ABCA5: variants seen among roughly 807,000 people sequenced by gnomAD.
The protein encoded by ABCA5 is ATP binding cassette subfamily A member 5.
Under a neutral mutation model 206.0 loss-of-function variants are expected in ABCA5, and 163 were observed. That is an observed-to-expected ratio of 0.79 (90% CI 0.70 to 0.90). ABCA5 has a LOEUF of 0.90. ABCA5 is among the 40% of genes least tolerant of loss of function. ABCA5 has a pLI of 0.00. For synonymous variants in ABCA5, 609 were observed against 613.8 expected (o/e 0.99, Z 0.11); for missense variants, 1,859 against 1,912.9 (o/e 0.97, Z 0.53).
At chr17:69,266,324 T>C (rs1219255925) in intron 23 of ABCA5, among the ~76,000 whole-genome samples, 1 of 152,156 alleles carries the variant, frequency 6.6e-6, no homozygotes, top group African/African-American at 2.4e-5. Flanking sequence ...CTTGACTGTG[T>C]CAATGCCAAT....
At position 69,247,347 on chromosome 17, in the gene ABCA5, T is replaced by A. The variant is rs1377456543; in HGVS notation, c.*190A>T. 6 of 506,132 alleles carry A rather than the reference T, an allele frequency of 1.2e-5. No homozygotes were observed. Among genetic ancestry groups the A allele is most frequent in the Non-Finnish European group, 2.1e-5 (6 of 289,040 alleles). The allele number at this position is 506,132 out of a possible 1,614,324, so 31.4% of individuals were successfully genotyped here. ...TTCAATACAAACATGCAGCTTCACT[T>A]AATTATACATACGTTTTATTTAAAG... On this transcript the variant is annotated 3_prime_UTR_variant, in exon 39 of 39. Transcript: ENST00000392676.
At chr17:69,313,586 T>A (rs994463645) in intron 2 of ABCA5, among the ~76,000 whole-genome samples, 10 of 152,164 alleles carry the variant, frequency 6.6e-5, no homozygotes, top group African/African-American at 2.4e-4. Flanking sequence ...CATCTTAGAT[T>A]ATTGACATAA....
chr17:69,268,345 C>A (rs772481432), intron 22 of ABCA5, among the ~76,000 whole-genome samples: 1 of 152,008 alleles, frequency 6.6e-6, no homozygotes, highest in Non-Finnish European at 1.5e-5. Context: ...ATATAAATTA[C>A]GCTTCACAAT....
At chr17:69,268,901 T>C (rs1224039312) in intron 22 of ABCA5, 1 of 152,220 alleles carries the variant, frequency 6.6e-6, no homozygotes, top group South Asian at 2.1e-4. Context: ...TCAGGTCATA[T>C]GACATTGCAG....
chr17:69,258,961 T>C (rs1296080878), intron 28 of ABCA5, among the ~76,000 whole-genome samples: 1 of 152,014 alleles, frequency 6.6e-6, no homozygotes, highest in Non-Finnish European at 1.5e-5. Context: ...ATAACAAGCA[T>C]TGGCAAGGAT....
At chr17:69,316,162 G>T (rs868361760) in intron 1 of ABCA5, among the ~76,000 whole-genome samples, 1 of 152,118 alleles carries the variant, frequency 6.6e-6, no homozygotes, top group Non-Finnish European at 1.5e-5. Context: ...ACAACAGAGA[G>T]AAAAAAGATT....
chr17:69,280,931 T>C (rs1271646470), intron 18 of ABCA5, among the ~76,000 whole-genome samples: 1 of 151,994 alleles, frequency 6.6e-6, no homozygotes, highest in Admixed American at 6.6e-5. Flanking sequence ...TACCTAATGC[T>C]AGATGATGAG....
At chr17:69,255,879 A>G in intron 29 of ABCA5, 29 bp from the exon 30 acceptor site, 2 of 1,495,602 alleles carry the variant, frequency 1.3e-6, no homozygotes, top group Non-Finnish European at 1.8e-6. Flanking sequence ...TTTAAAAAGA[A>G]AGTTATAAAA....
Position 69,304,789 on chromosome 17 carries a change from A to G in ABCA5, c.810T>C (p.Tyr270=), listed in dbSNP as rs769176148. Residue 270 remains tyrosine, a synonymous_variant, in exon 7 of 39, where the codon TAT becomes TAC. Transcript: ENST00000392676. ...GGGACATAAGAAAAATTAAACTTGT[A>G]TATAGAAGAACCCAGGAAAGCCTAA... ...TAFWLSWVLL[Y]TSLIFLMSLL... is the part of the protein sequence containing the mutation. 1.2e-5 allele frequency: 19 copies of G among 1,602,120 alleles called. No individual in the cohort carries two copies. The highest frequency in any genetic ancestry group is 2.7e-5 in the African/African-American group (2 of 74,252).
At chr17:69,252,016 A>ACTTTTATATTCTTTTTC (rs71144665) in intron 34 of ABCA5, 150 bp from the exon 35 acceptor site, 10 of 614,106 alleles carry the variant, frequency 1.6e-5, no homozygotes, top group South Asian at 4.5e-5. Flanking sequence ...CCCAACTATG[A>ACTTTTATATTCTTTTTC]TTTTTTTTTT....
chr17:69,257,752 G>T (rs1363808305), intron 28 of ABCA5, among the ~76,000 whole-genome samples: 1 of 150,676 alleles, frequency 6.6e-6, no homozygotes, highest in Non-Finnish European at 1.5e-5. Context: ...GATCTAGAAA[G>T]GAAAGAGAAA....
rs1555584164 is a variant in ABCA5 at position 69,303,851 on chromosome 17, T to TATAC, written c.930+817_930+818insGTAT. Reference sequence around the variant, plus strand: ...GTATATATATATATACATACATATATATATGTATATATATATATACATATA... The same window carrying TATAC: ...GTATATATATATATACATACATATATATACATATGTATATATATATATACATATA... On this transcript the variant is annotated intron_variant, in intron 7 of 38. Transcript: ENST00000392676. 3.7e-4 allele frequency among the ~76,000 whole-genome samples: 14 copies of TATAC among 37,542 alleles called. 3 individuals are homozygous for TATAC. The highest frequency in any genetic ancestry group is 2.5e-3 in the East Asian group (2 of 808). 24.6% of individuals were successfully genotyped at this position (37,542 alleles called of 152,430 possible).
chr17:69,272,504 G>T (rs949814281), intron 20 of ABCA5, among the ~76,000 whole-genome samples: 4 of 151,362 alleles, frequency 2.6e-5, no homozygotes, highest in Non-Finnish European at 4.4e-5. Flanking sequence ...TTGAATCCAA[G>T]TTCCTTTAAA....
rs2074958317 is a variant in ABCA5, at chr17:69,246,951, AT to A, written c.*585del. ...AAATCATGTACTAGAACAAGGGCTC[AT>A]TTCACTTATTATGATCAATGACTGC... On this transcript the variant is annotated 3_prime_UTR_variant, in exon 39 of 39. Coordinates refer to ENST00000392676, the MANE Select transcript of ABCA5 (RefSeq NM_172232.4). 1 of 151,970 alleles carries A rather than the reference AT, an allele frequency of 6.6e-6. No homozygotes were observed. The highest frequency in any genetic ancestry group is 1.5e-5 in the Non-Finnish European group (1 of 67,840). 9.4% of individuals were successfully genotyped at this position (151,970 alleles called of 1,614,324 possible).
chr17:69,310,159 T>A (rs1053758922), intron 3 of ABCA5, among the ~76,000 whole-genome samples: 57 of 152,286 alleles, frequency 3.7e-4, no homozygotes, highest in Non-Finnish European at 1.5e-4. Context: ...TATTTTATAT[T>A]TTTTTAGAGA....
At chr17:69,321,827 T>G (rs2075867593) in intron 1 of ABCA5, among the ~76,000 whole-genome samples, 1 of 152,200 alleles carries the variant, frequency 6.6e-6, no homozygotes, top group Non-Finnish European at 1.5e-5. Flanking sequence ...CTAAGTTTGT[T>G]GTAGGGCTTT....
chr17:69,267,454 A>G (rs2075223707), intron 23 of ABCA5, among the ~76,000 whole-genome samples: 1 of 152,200 alleles, frequency 6.6e-6, no homozygotes, highest in Admixed American at 6.5e-5. Context: ...TATACTTAGC[A>G]ATTTCTCCAA....
intron 3 of ABCA5, among the ~76,000 whole-genome samples, chr17:69,309,683 A>AC (rs2075751519): frequency 6.6e-6 from 1 of 152,158 alleles, no homozygotes; most frequent in Non-Finnish European, 1.5e-5. Context: ...TCTCCAAAAA[A>AC]TAAAAAAATT....
intron 34 of ABCA5, among the ~76,000 whole-genome samples, chr17:69,252,745 G>T (rs1361201271): frequency 6.6e-6 from 1 of 151,224 alleles, no homozygotes; most frequent in Non-Finnish European, 1.5e-5. Flanking sequence ...GCTGAGGCAG[G>T]AGAATCGCTT....
Sources: gnomAD v4.1 joint callset for allele counts (sites outside exome capture counted in the v4.1 genomes callset) on GRCh38, gnomAD v4.1.1 for gene constraint, MANE v1.5 for transcripts, NCBI Gene and HGNC (gene_info 2026-07-23, HGNC 2026-07-21) for gene names.